ACACA: variants seen among roughly 807,000 people sequenced by gnomAD.
ACACA encodes the protein acetyl-CoA carboxylase alpha.
Under a neutral mutation model 296.1 loss-of-function variants are expected in ACACA, and 103 were observed. The observed-to-expected ratio is 0.35, with a 90% CI of 0.30 to 0.41. The LOEUF (loss-of-function observed/expected upper bound fraction) is 0.41, where lower values mean the gene tolerates loss of function less well. ACACA is among the 10% of genes least tolerant of loss of function. The pLI is 1.00. For missense variants in ACACA, 1,554 were observed against 2,989.7 expected, an observed-to-expected ratio of 0.52 and a Z score of 11.20; for synonymous variants, 953 against 1,038.6, an observed-to-expected ratio of 0.92 and a Z score of 1.58.
Position 37,304,730 on chromosome 17 carries a change from C to T in ACACA, c.339-19760G>A, listed in dbSNP as rs911806199. On this transcript the variant is annotated intron_variant, in intron 3 of 55. Transcript: ENST00000616317. ...GCTTGAACCCGGGAGGCAGAGGTTGCGGTGACCAAGATCGTGCCATTGCAC... is the reference window on the plus strand; with the variant it reads ...GCTTGAACCCGGGAGGCAGAGGTTGTGGTGACCAAGATCGTGCCATTGCAC... 7.9e-5 allele frequency among the ~76,000 whole-genome samples: 12 copies of T among 151,080 alleles called. No individual in the cohort carries two copies. In the East Asian group the frequency reaches 9.7e-4, roughly 12 times the overall value.
At chr17:37,250,532 T>C (rs1474202725) in intron 16 of ACACA, among the ~76,000 whole-genome samples, 2 of 151,206 alleles carry the variant, frequency 1.3e-5, no homozygotes, top group East Asian at 3.9e-4. Flanking sequence ...CAGCTACTCA[T>C]GTGGCTGAGG....
intron 3 of ACACA, among the ~76,000 whole-genome samples, chr17:37,322,936 A>G (rs927254589): frequency 2.6e-5 from 4 of 152,246 alleles, no homozygotes; most frequent in African/African-American, 9.6e-5. Flanking sequence ...TCGAGCCCAC[A>G]TGTGATCCAA....
chr17:37,295,681 T>C (rs935191541), intron 3 of ACACA, among the ~76,000 whole-genome samples: 1 of 151,930 alleles, frequency 6.6e-6, no homozygotes, highest in African/African-American at 2.4e-5. Flanking sequence ...TCCCAACACA[T>C]TGGGAGGCTG....
intron 45 of ACACA, among the ~76,000 whole-genome samples, chr17:37,138,002 A>G (rs1048859085): frequency 6.6e-6 from 1 of 152,172 alleles, no homozygotes; most frequent in Non-Finnish European, 1.5e-5. Context: ...TGATTTCTCA[A>G]TTTCTTAGAC....
rs181281681 is a variant in ACACA, at chr17:37,406,246, A to G, written c.38+16T>C. ...AATCATCATTAACAGCAGTAATAAG[A>G]GATCTTGGGACATACCTAGCCCTCA... On this transcript the variant is annotated intron_variant, in intron 1 of 55. Transcript: ENST00000616317. 6.2e-7 allele frequency: 1 copy of G among 1,613,290 alleles called. No homozygotes were observed. The highest frequency in any genetic ancestry group is 2.2e-5 in the East Asian group (1 of 44,896).
At chr17:37,287,198 T>C (rs1277989848) in intron 3 of ACACA, among the ~76,000 whole-genome samples, 1 of 152,188 alleles carries the variant, frequency 6.6e-6, no homozygotes, top group Non-Finnish European at 1.5e-5. Flanking sequence ...TTAAACTTGA[T>C]GGGGCAGTAA....
chr17:37,301,418 A>G, intron 3 of ACACA: 1 of 985,424 alleles, frequency 1.0e-6, no homozygotes, highest in Non-Finnish European at 1.2e-6. Flanking sequence ...CACTGATCCC[A>G]GCATTGTAAC....
intron 1 of ACACA, chr17:37,360,218 T>A (rs1445512314): frequency 6.6e-6 from 1 of 152,158 alleles, no homozygotes; most frequent in Admixed American, 6.6e-5. Flanking sequence ...ACTCAGCCCT[T>A]CCAAGGAGGA....
intron 1 of ACACA, among the ~76,000 whole-genome samples, chr17:37,348,242 G>A (rs982465881): frequency 2.6e-5 from 4 of 151,808 alleles, no homozygotes; most frequent in Non-Finnish European, 4.4e-5. Context: ...CTAAGTAACA[G>A]AAGCTCCCAA....
chr17:37,208,051 T>C (rs932686834), intron 30 of ACACA, among the ~76,000 whole-genome samples: 10 of 152,166 alleles, frequency 6.6e-5, no homozygotes, highest in African/African-American at 2.4e-4. Flanking sequence ...TAAGAACTGT[T>C]AGGAATTTCC....
At chr17:37,138,735 T>C (rs1395533355) in intron 45 of ACACA, among the ~76,000 whole-genome samples, 1 of 152,236 alleles carries the variant, frequency 6.6e-6, no homozygotes, top group African/African-American at 2.4e-5. Flanking sequence ...TACTTTGTAT[T>C]GATTTAAGGT....
intron 45 of ACACA, among the ~76,000 whole-genome samples, chr17:37,132,558 G>A (rs1429190575): frequency 6.6e-6 from 1 of 152,088 alleles, no homozygotes; most frequent in Non-Finnish European, 1.5e-5. Context: ...GGGGGAAAAG[G>A]AATACAAAAG....
chr17:37,366,287 C>A (rs1277966883), intron 1 of ACACA, among the ~76,000 whole-genome samples: 1 of 152,102 alleles, frequency 6.6e-6, no homozygotes, highest in Non-Finnish European at 1.5e-5. Flanking sequence ...TACCTTCACT[C>A]TCTATTGTTG....
chr17:37,309,875 G>A (rs1022609594), intron 3 of ACACA, among the ~76,000 whole-genome samples: 7 of 151,810 alleles, frequency 4.6e-5, no homozygotes, highest in African/African-American at 1.5e-4. Flanking sequence ...CACATAGTGA[G>A]AACACATCTC....
chr17:37,150,795 G>A (rs779679350), intron 44 of ACACA, among the ~76,000 whole-genome samples: 14 of 151,666 alleles, frequency 9.2e-5, no homozygotes, highest in Non-Finnish European at 1.3e-4. Context: ...AGCTCATGCC[G>A]GTAATCCCAG....
At chr17:37,275,481 G>C (rs541292733) in intron 8 of ACACA, among the ~76,000 whole-genome samples, 39 of 128,644 alleles carry the variant, frequency 3.0e-4, no homozygotes, top group Non-Finnish European at 5.6e-4. Flanking sequence ...GGGCAACAGA[G>C]TGAGACTCCA....
At chr17:37,100,920 GACCTTGTCTCT>G (rs1485122799) in intron 52 of ACACA, among the ~76,000 whole-genome samples, 1 of 152,028 alleles carries the variant, frequency 6.6e-6, no homozygotes, top group Non-Finnish European at 1.5e-5. Context: ...AACATGGCAA[GACCTTGTCTCT>G]ACTAAAAATA....
At chr17:37,397,930 T>C (rs1238673585) in intron 1 of ACACA, among the ~76,000 whole-genome samples, 1 of 151,654 alleles carries the variant, frequency 6.6e-6, no homozygotes, top group Non-Finnish European at 1.5e-5. Flanking sequence ...TGGGCACAAA[T>C]AAAAAAATGT....
chr17:37,322,148 G>T (rs2047385666), intron 3 of ACACA, among the ~76,000 whole-genome samples: 1 of 152,172 alleles, frequency 6.6e-6, no homozygotes, highest in African/African-American at 2.4e-5. Flanking sequence ...TATTGGTAAA[G>T]TACTTTTCTT....
Sources: allele counts gnomAD v4.1 joint callset (sites outside exome capture counted in the v4.1 genomes callset), GRCh38; gene constraint gnomAD v4.1.1; transcripts MANE v1.5; gene names NCBI Gene and HGNC (gene_info 2026-07-23, HGNC 2026-07-21).